DCC: variants seen among roughly 807,000 people sequenced by gnomAD.
DCC encodes netrin receptor DCC.
In DCC, 58 loss-of-function variants were observed where a neutral mutation model predicts 172.5. The ratio of observed to expected loss-of-function variants is 0.34; its 90% CI spans 0.27 to 0.42. The LOEUF is 0.42. Ranked by LOEUF, DCC falls within the 10% of genes least tolerant of loss-of-function variation. The pLI is 1.00. For synonymous variants in DCC, 709 were observed against 644.5 expected (o/e 1.10, Z -1.52); for missense variants, 1,740 against 1,791.0 (o/e 0.97, Z 0.51).
At chr18:53,518,437 C>T (rs2046363210) in intron 27 of DCC, among the ~76,000 whole-genome samples, 2 of 152,116 alleles carry the variant, frequency 1.3e-5, no homozygotes, top group African/African-American at 4.8e-5. Flanking sequence ...ATGGGAAAAC[C>T]TTCTGCAGAG....
intron 7 of DCC, among the ~76,000 whole-genome samples, chr18:53,084,311 G>A (rs1413271993): frequency 6.6e-6 from 1 of 152,114 alleles, no homozygotes; most frequent in Non-Finnish European, 1.5e-5. Context: ...CTATAAATGA[G>A]TTAATAAATT....
chr18:52,864,206 C>A (rs1027055938), intron 2 of DCC, among the ~76,000 whole-genome samples: 2 of 152,146 alleles, frequency 1.3e-5, no homozygotes, highest in African/African-American at 4.8e-5. Context: ...AAATTTATTT[C>A]TTCCACATGT....
At chr18:52,890,909 T>C (rs183786903) in intron 2 of DCC, among the ~76,000 whole-genome samples, 1 of 152,106 alleles carries the variant, frequency 6.6e-6, no homozygotes, top group Admixed American at 6.6e-5. Context: ...TAAATTCAGC[T>C]GTTTTAAATG....
intron 26 of DCC, among the ~76,000 whole-genome samples, chr18:53,494,770 C>T (rs577192842): frequency 6.6e-5 from 10 of 151,678 alleles, no homozygotes; most frequent in Non-Finnish European, 1.5e-4. Context: ...ATCCAATTTG[C>T]CACTCTAATT....
intron 7 of DCC, among the ~76,000 whole-genome samples, chr18:53,110,229 A>T (rs187514159): frequency 1.3e-5 from 2 of 151,844 alleles, no homozygotes; most frequent in East Asian, 3.9e-4. Flanking sequence ...TTTTCAGCTG[A>T]ATAAACACAG....
At chr18:53,263,127 A>C (rs1168839557) in intron 12 of DCC, among the ~76,000 whole-genome samples, 1 of 152,146 alleles carries the variant, frequency 6.6e-6, no homozygotes, top group Non-Finnish European at 1.5e-5. Context: ...GAATTCAACA[A>C]TATGCAGAGT....
intron 2 of DCC, among the ~76,000 whole-genome samples, chr18:52,758,279 C>A (rs1484941015): frequency 6.6e-6 from 1 of 152,074 alleles, no homozygotes; most frequent in African/African-American, 2.4e-5. Context: ...AATCTTTTAT[C>A]TTTCTAAGTG....
intron 7 of DCC, among the ~76,000 whole-genome samples, chr18:53,106,155 C>T (rs1261873975): frequency 6.6e-6 from 1 of 151,854 alleles, no homozygotes; most frequent in Non-Finnish European, 1.5e-5. Context: ...TTCTATTGAA[C>T]TCTTTGGCAA....
chr18:52,637,968 C>T (rs1182675388), intron 1 of DCC, among the ~76,000 whole-genome samples: 1 of 152,180 alleles, frequency 6.6e-6, no homozygotes, highest in East Asian at 1.9e-4. Context: ...CAGCAGATTT[C>T]TCAGCAGAAA....
At chr18:52,759,647 T>G (rs1023897969) in intron 2 of DCC, among the ~76,000 whole-genome samples, 2 of 152,160 alleles carry the variant, frequency 1.3e-5, no homozygotes, top group Non-Finnish European at 1.5e-5. Context: ...GAAAACCTTT[T>G]TGGAATACAA....
intron 7 of DCC, among the ~76,000 whole-genome samples, chr18:53,140,846 A>G (rs904316256): frequency 3.3e-5 from 5 of 152,178 alleles, no homozygotes; most frequent in African/African-American, 1.2e-4. Context: ...AAAAGACATG[A>G]TAGGTGGCTA....
At chr18:52,843,164 A>G (rs1246998722) in intron 2 of DCC, among the ~76,000 whole-genome samples, 1 of 152,204 alleles carries the variant, frequency 6.6e-6, no homozygotes. Flanking sequence ...CTTTTTTTGC[A>G]TATATTTGAA....
rs185626909 is a variant in DCC, at chr18:52,411,221, G to A, written c.91+70343G>A. ...AGGCAGCTCCCTCAGATCTCTTCAGGATGACTTCCCAGTTAGTTTCAATTT... is the reference window on the plus strand; with the variant it reads ...AGGCAGCTCCCTCAGATCTCTTCAGAATGACTTCCCAGTTAGTTTCAATTT... On this transcript the variant is annotated intron_variant, in intron 1 of 28. Transcript: ENST00000442544. Among the ~76,000 whole-genome samples, 22 of 152,192 alleles carry A rather than the reference G, an allele frequency of 1.4e-4. 1 individual carries two copies. Among genetic ancestry groups the A allele is most frequent in the Admixed American group, 3.9e-4 (6 of 15,270 alleles).
chr18:52,621,341 T>G (rs2034475102), intron 1 of DCC, among the ~76,000 whole-genome samples: 1 of 152,200 alleles, frequency 6.6e-6, no homozygotes, highest in Non-Finnish European at 1.5e-5. Context: ...AACTTGAATT[T>G]GAAACAGGGA....
rs2037976690 is a variant in DCC, at chr18:52,801,090, G to A, written c.412+48716G>A. The stretch of plus-strand genomic sequence containing the variant: ...GTGAGAGTCTCAGTGTGCAAGGTCT[G>A]TCTCTTGAGTCCTGGGCTGGAACTT... On this transcript the variant is annotated intron_variant, in intron 2 of 28. Coordinates refer to ENST00000442544, the MANE Select transcript of DCC (RefSeq NM_005215.4). Among the ~76,000 whole-genome samples the A allele has an allele frequency of 3.9e-5, 6 of 152,152 alleles. No homozygotes were observed. In the South Asian group the frequency reaches 1.2e-3, roughly 32 times the overall value.
At chr18:53,023,883 C>A (rs1157316313) in intron 5 of DCC, among the ~76,000 whole-genome samples, 3 of 152,066 alleles carry the variant, frequency 2.0e-5, no homozygotes, top group Admixed American at 6.6e-5. Flanking sequence ...CCTGCAGATG[C>A]CCCAAATTCC....
rs1288557695 is a variant in DCC, at chr18:52,452,522, A to G, written c.91+111644A>G. 2.6e-5 allele frequency among the ~76,000 whole-genome samples: 4 copies of G among 152,062 alleles called. No homozygotes were observed. In the East Asian group the frequency reaches 7.7e-4, roughly 29 times the overall value. ...TTTCCTCCTCTTCTCCTTATTCCCT[A>G]CTCAGACTTAGCAAAACAGGGGAAG... is the stretch of plus-strand genomic sequence containing the variant. On this transcript the variant is annotated intron_variant, in intron 1 of 28. Coordinates refer to ENST00000442544, the MANE Select transcript of DCC (RefSeq NM_005215.4).
chr18:52,658,088 T>C (rs151082970), intron 1 of DCC, among the ~76,000 whole-genome samples: 2 of 152,324 alleles, frequency 1.3e-5, no homozygotes, highest in East Asian at 3.9e-4. Context: ...CGCTCACCAT[T>C]GACTTCCTAT....
At chr18:52,820,050 C>T (rs539634818) in intron 2 of DCC, among the ~76,000 whole-genome samples, 6 of 152,218 alleles carry the variant, frequency 3.9e-5, no homozygotes, top group South Asian at 2.1e-4. Context: ...ATTTTTTCAA[C>T]GTGGGAGTGA....
Sources: allele counts gnomAD v4.1 joint callset (sites outside exome capture counted in the v4.1 genomes callset), GRCh38; gene constraint gnomAD v4.1.1; transcripts MANE v1.5; gene names NCBI Gene and HGNC (gene_info 2026-07-23, HGNC 2026-07-21).